RAP2A: variants seen among roughly 807,000 people sequenced by gnomAD.
RAP2A encodes the protein ras-related protein Rap-2a.
RAP2A carries 5 observed loss-of-function variants against 15.1 expected under a neutral mutation model. That is an observed-to-expected ratio of 0.33 (90% CI 0.17 to 0.70). The LOEUF is 0.70. RAP2A is among the 30% of genes least tolerant of loss of function. The probability of loss-of-function intolerance (pLI) is 0.68; values close to 1 mark genes in which losing one functional copy is unlikely to be tolerated. For missense variants in RAP2A, 111 were observed against 240.3 expected (o/e 0.46, Z 3.56); for synonymous variants, 110 against 99.7 (o/e 1.10, Z -0.62).
At chr13:97,444,747 A>G (rs1315463687) in intron 1 of RAP2A, among the ~76,000 whole-genome samples, 1 of 152,210 alleles carries the variant, frequency 6.6e-6, no homozygotes, top group Admixed American at 6.5e-5. Context: ...CATTGCTCTT[A>G]TTAGGCCACC....
At chr13:97,463,975 A>T (rs774936096) in intron 1 of RAP2A, among the ~76,000 whole-genome samples, 4 of 152,234 alleles carry the variant, frequency 2.6e-5, no homozygotes, top group Non-Finnish European at 4.4e-5. Context: ...TAAAGGATAT[A>T]TAATTGATTA....
chr13:97,453,312 C>T (rs2066710179), intron 1 of RAP2A, among the ~76,000 whole-genome samples: 1 of 151,188 alleles, frequency 6.6e-6, no homozygotes, highest in Non-Finnish European at 1.5e-5. Flanking sequence ...TGATACAGAA[C>T]ATTTCTATCA....
At chr13:97,461,837 C>T (rs988386668) in intron 1 of RAP2A, among the ~76,000 whole-genome samples, 6 of 151,286 alleles carry the variant, frequency 4.0e-5, no homozygotes, top group African/African-American at 4.9e-5. Flanking sequence ...GTGGTGGGCG[C>T]CTGTAGTCCC....
chr13:97,449,479 CTGT>C (rs1191894929), intron 1 of RAP2A, among the ~76,000 whole-genome samples: 1 of 152,130 alleles, frequency 6.6e-6, no homozygotes, highest in Non-Finnish European at 1.5e-5. Flanking sequence ...TGGACTAGAC[CTGT>C]TGTTGCGGCC....
intron 1 of RAP2A, among the ~76,000 whole-genome samples, chr13:97,456,081 C>A (rs746127886): frequency 4.1e-5 from 6 of 145,364 alleles, no homozygotes; most frequent in Non-Finnish European, 7.7e-5. Context: ...TGTCTACTGC[C>A]CCAGCTCTGC....
rs1247467972 is a variant in RAP2A at position 97,434,453 on chromosome 13, G to A, written c.-18G>A. On this transcript the variant is annotated 5_prime_UTR_variant, in exon 1 of 2. Coordinates refer to ENST00000245304, the MANE Select transcript of RAP2A (RefSeq NM_021033.7). ...CTATGTCGCGGGCGGCGGCGGCGGC[G>A]GCGGCCGCGGAGGGACGATGCGCGA... 2 of 1,568,808 alleles carry A rather than the reference G, an allele frequency of 1.3e-6. No individual in the cohort carries two copies. Among genetic ancestry groups the A allele is most frequent in the African/African-American group, 1.4e-5 (1 of 73,534 alleles).
At chr13:97,456,059 A>C (rs1332867436) in intron 1 of RAP2A, among the ~76,000 whole-genome samples, 1 of 146,946 alleles carries the variant, frequency 6.8e-6, no homozygotes, top group Non-Finnish European at 1.5e-5. Flanking sequence ...ATGAAGTTTT[A>C]GCTACTGGCA....
chr13:97,456,091 C>T (rs906071279), intron 1 of RAP2A, among the ~76,000 whole-genome samples: 6 of 151,692 alleles, frequency 4.0e-5, no homozygotes, highest in Non-Finnish European at 7.4e-5. Flanking sequence ...CCCAGCTCTG[C>T]TATCACTTAC....
At chr13:97,436,590 A>G (rs376726090) in intron 1 of RAP2A, among the ~76,000 whole-genome samples, 1 of 152,220 alleles carries the variant, frequency 6.6e-6, no homozygotes, top group East Asian at 1.9e-4. Context: ...ATTATTGGAT[A>G]ATATGGTCCA....
intron 1 of RAP2A, among the ~76,000 whole-genome samples, chr13:97,455,319 A>G (rs1441627359): frequency 6.6e-6 from 1 of 151,472 alleles, no homozygotes; most frequent in Non-Finnish European, 1.5e-5. Context: ...CTCATAGAGC[A>G]TGGTTATAAT....
chr13:97,434,853 G>C, intron 1 of RAP2A, 69 bp downstream of exon 1: 1 of 1,578,324 alleles, frequency 6.3e-7, no homozygotes, highest in Non-Finnish European at 8.6e-7. Context: ...GGAACTCCCC[G>C]CGCGGGGCTC....
At chr13:97,462,429 T>C (rs182211788) in intron 1 of RAP2A, among the ~76,000 whole-genome samples, 2 of 152,266 alleles carry the variant, frequency 1.3e-5, no homozygotes, top group Non-Finnish European at 2.9e-5. Context: ...AGCAAATACA[T>C]GGTGTTTTGT....
intron 1 of RAP2A, among the ~76,000 whole-genome samples, chr13:97,462,006 A>T (rs1471435401): frequency 6.9e-6 from 1 of 145,154 alleles, no homozygotes; most frequent in Non-Finnish European, 1.5e-5. Context: ...ATTTATATTT[A>T]TATATTTATA....
chr13:97,448,201 T>C (rs1353414503), intron 1 of RAP2A, among the ~76,000 whole-genome samples: 1 of 152,192 alleles, frequency 6.6e-6, no homozygotes, highest in East Asian at 1.9e-4. Flanking sequence ...TCAGACTAGA[T>C]GGTTAGTTTT....
chr13:97,445,587 CTGTT>C (rs2066676144), intron 1 of RAP2A, among the ~76,000 whole-genome samples: 2 of 152,196 alleles, frequency 1.3e-5, no homozygotes, highest in South Asian at 2.1e-4. Flanking sequence ...AACCCTATGT[CTGTT>C]CTTGCTGGAT....
At position 97,468,136 on chromosome 13, in the gene RAP2A, G is replaced by A. The variant is rs1026078324; in HGVS notation, c.*3694G>A. On this transcript the variant is annotated 3_prime_UTR_variant, in exon 2 of 2. Transcript: ENST00000245304. Reference sequence around the variant, plus strand: ...GAGAGTTCATCATATAAAAAGGCAGGTAGGTAGATAATTTTCATAGTCTTT... The same window carrying A: ...GAGAGTTCATCATATAAAAAGGCAGATAGGTAGATAATTTTCATAGTCTTT... The A allele has an allele frequency of 3.9e-5, 6 of 152,128 alleles. No individual in the cohort carries two copies. The highest frequency in any genetic ancestry group is 5.9e-5 in the Non-Finnish European group (4 of 68,016). The allele number at this position is 152,128 out of a possible 1,614,324, so 9.4% of individuals were successfully genotyped here. A position where few individuals can be genotyped will look rare whatever the true frequency, so the allele number is the denominator to read the frequency against.
chr13:97,468,340 C>A lies in RAP2A; in HGVS notation c.*3898C>A, dbSNP rs540376278. 6.6e-6 allele frequency: 1 copy of A among 152,262 alleles called. No homozygotes were observed. The highest frequency in any genetic ancestry group is 2.1e-4 in the South Asian group (1 of 4,816). 9.4% of individuals were successfully genotyped at this position (152,262 alleles called of 1,614,324 possible). ...CAATATCACTAAAATGATTCAGAGG[C>A]CTTCTAGTGATGGCTTGAAGCCGTC... On this transcript the variant is annotated 3_prime_UTR_variant, in exon 2 of 2. Coordinates refer to ENST00000245304, the MANE Select transcript of RAP2A (RefSeq NM_021033.7).
chr13:97,464,184 GTT>G lies in RAP2A; in HGVS notation c.315-18_315-17del. ...GTGCTAACTGTTACAATGTATGTGT[GTT>G]TTGTTTATTCTCTCATAGGTATGAG... On this transcript the variant is annotated intron_variant, in intron 1 of 1. Coordinates refer to ENST00000245304, the MANE Select transcript of RAP2A (RefSeq NM_021033.7). 1 of 1,611,616 alleles carries G rather than the reference GTT, an allele frequency of 6.2e-7. No individual in the cohort carries two copies. Among genetic ancestry groups the G allele is most frequent in the Non-Finnish European group, 8.5e-7 (1 of 1,177,930 alleles).
Position 97,434,401 on chromosome 13 carries a change from T to C in RAP2A, c.-70T>C. 1 of 1,131,502 alleles carries C rather than the reference T, an allele frequency of 8.8e-7. No individual in the cohort carries two copies. The allele number at this position is 1,131,502 out of a possible 1,614,324, so 70.1% of individuals were successfully genotyped here. On this transcript the variant is annotated 5_prime_UTR_variant, in exon 1 of 2. Transcript: ENST00000245304. ...CGGGGCGGGCCGCCGGGGCCGGGGCTGGGGGCGCAGCGCGGCCGGCGTAGG... is the reference window on the plus strand; with the variant it reads ...CGGGGCGGGCCGCCGGGGCCGGGGCCGGGGGCGCAGCGCGGCCGGCGTAGG...
Sources: gnomAD v4.1 joint callset for allele counts (sites outside exome capture counted in the v4.1 genomes callset) on GRCh38, gnomAD v4.1.1 for gene constraint, MANE v1.5 for transcripts, NCBI Gene and HGNC (gene_info 2026-07-23, HGNC 2026-07-21) for gene names.